Variants in ERCC5 observed in about 807,000 individuals in gnomAD.
ERCC5 encodes the protein ERCC excision repair 5, endonuclease.
In ERCC5, 68 loss-of-function variants were observed where a neutral mutation model predicts 105.6. The ratio of observed to expected loss-of-function variants is 0.64; its 90% CI spans 0.53 to 0.79. ERCC5 has a LOEUF of 0.79. ERCC5 is among the 30% of genes least tolerant of loss of function. The pLI is 0.00. For synonymous variants in ERCC5, 546 were observed against 526.2 expected, an observed-to-expected ratio of 1.04 and a Z score of -0.51; for missense variants, 1,373 against 1,426.7, an observed-to-expected ratio of 0.96 and a Z score of 0.61.
Position 102,861,559 on chromosome 13 carries a change from A to G in ERCC5, c.725A>G (p.Tyr242Cys), listed in dbSNP as rs150473997. 6.2e-6 allele frequency: 10 copies of G among 1,614,076 alleles called. No homozygotes were observed. The African/African-American group carries it at 1.2e-4, about 19-fold the overall frequency. ...YQLKGLLKKN[Y>C]LNQHIEHVQK... ...CTCAAAGGCTTGCTTAAAAAGAACT[A>G]TCTGAACCAGCATATAGAACATGTC... The change falls in exon 7 of 15, where the codon TAT (tyrosine) becomes TGT (cysteine). Residue 242 changes from tyrosine to cysteine, a missense_variant. By Grantham distance (194) the Tyr-to-Cys change is radical. Transcript: ENST00000652225.
chr13:102,853,627 T>G, intron 2 of ERCC5, 130 bp from the exon 3 acceptor site: 1 of 876,484 alleles, frequency 1.1e-6, no homozygotes, highest in East Asian at 2.7e-5. Flanking sequence ...ATATGGCAAT[T>G]AGGAGGAAAT....
In ERCC5 at chr13:102,862,720, C is replaced by T. The variant is rs201684551; in HGVS notation, c.1571C>T (p.Pro524Leu). Residue 524 changes from proline (P) to leucine (L), a missense_variant, in exon 8 of 15, where the codon CCG becomes CTG. By Grantham distance (98) the Pro-to-Leu change is moderately conservative (BLOSUM62 -3). Around this residue, in one of 3 missense-constraint regions of ERCC5, gnomAD observed 1,004 missense variants for 1,059.7 expected, o/e 0.95. Transcript: ENST00000652225. ...PGLPNGRELT[P>L]ASPTCTNSVS... ...CTCCCGAATGGAAGGGAACTGACAC[C>T]GGCATCTCCAACTTGTACAAATTCT... The T allele has an allele frequency of 9.5e-5, 154 of 1,614,148 alleles. No homozygotes were observed. The highest frequency in any genetic ancestry group is 5.2e-4 in the South Asian group (47 of 91,092).
At chr13:102,847,183 T>G (rs1881999610) in intron 1 of ERCC5, among the ~76,000 whole-genome samples, 1 of 152,220 alleles carries the variant, frequency 6.6e-6, no homozygotes, top group Non-Finnish European at 1.5e-5. Flanking sequence ...TTAAGGACTA[T>G]TGTTTCTGTA....
Position 102,875,527 on chromosome 13 carries a change from A to G in ERCC5, c.3185A>G (p.Asn1062Ser), listed in dbSNP as rs754375913. Reference protein sequence around the residue: ...KGKTQKRGITNTLEESSSLKR... With the variant: ...KGKTQKRGITSTLEESSSLKR... ...AAAACCCAGAAGAGAGGCATAACAA[A>G]TACCTTAGAAGAGTCATCAAGCCTG... The change falls in exon 15 of 15, where the codon AAT becomes AGT. Residue 1062 changes from asparagine (N) to serine (S), a missense_variant. Around this residue, in one of 3 missense-constraint regions of ERCC5, gnomAD observed 367 missense variants for 350.2 expected, o/e 1.05. Transcript: ENST00000652225. The G allele has an allele frequency of 1.6e-5, 26 of 1,613,982 alleles. No homozygotes were observed. The Middle Eastern group carries it at 4.9e-4, about 31-fold the overall frequency.
chr13:102,875,869 T>C lies in ERCC5; in HGVS notation c.3527T>C (p.Leu1176Pro). 6.2e-7 allele frequency: 1 copy of C among 1,611,324 alleles called. No individual in the cohort carries two copies. Among genetic ancestry groups the C allele is most frequent in the South Asian group, 1.1e-5 (1 of 91,068 alleles). Residue 1176 changes from leucine to proline, a missense_variant, in exon 15 of 15, where the codon CTA becomes CCA. By Grantham distance (98) the Leu-to-Pro change is moderately conservative. This residue lies in a region of ERCC5 where 367 missense variants were observed against 350.2 expected (regional missense o/e 1.05). Transcript: ENST00000652225. ...RSVFGKKRRK[L>P]RRARGRKRKT is the part of the protein sequence containing the mutation. Reference sequence around the variant, plus strand: ...GTGTTTGGGAAGAAAAGAAGGAAACTAAGACGTGCGAGGGGAAGAAAAAGG... The same window carrying C: ...GTGTTTGGGAAGAAAAGAAGGAAACCAAGACGTGCGAGGGGAAGAAAAAGG...
chr13:102,870,702 T>C (rs1883003041), intron 12 of ERCC5, among the ~76,000 whole-genome samples: 1 of 152,166 alleles, frequency 6.6e-6, no homozygotes, highest in African/African-American at 2.4e-5. Flanking sequence ...CCTTTTTGCA[T>C]TTTGTTGTTA....
intron 13 of ERCC5, 30 bp downstream of exon 13, chr13:102,872,428 A>G: frequency 6.2e-7 from 1 of 1,612,500 alleles, no homozygotes; most frequent in South Asian, 1.1e-5. Flanking sequence ...AGAGAAGGAA[A>G]CACCTTGTCA....
chr13:102,867,873 T>G (rs2140533786), intron 11 of ERCC5, among the ~76,000 whole-genome samples: 1 of 152,318 alleles, frequency 6.6e-6, no homozygotes, highest in Admixed American at 6.5e-5. Flanking sequence ...AGACTCAGGC[T>G]AGATAGCTAA....
chr13:102,853,365 A>T (rs1482944117), intron 2 of ERCC5, among the ~76,000 whole-genome samples: 1 of 152,236 alleles, frequency 6.6e-6, no homozygotes, highest in Admixed American at 6.5e-5. Flanking sequence ...GCAGAATTAC[A>T]TGTAAGTAAT....
At chr13:102,873,728 C>A (rs1178207079) in intron 14 of ERCC5, among the ~76,000 whole-genome samples, 2 of 152,096 alleles carry the variant, frequency 1.3e-5, no homozygotes, top group Non-Finnish European at 1.5e-5. Context: ...TTTTTAAATT[C>A]TATAAACGAA....
intron 1 of ERCC5, among the ~76,000 whole-genome samples, chr13:102,850,671 G>A (rs1252942177): frequency 6.6e-6 from 1 of 152,188 alleles, no homozygotes; most frequent in Non-Finnish European, 1.5e-5. Flanking sequence ...CTGAGATGGG[G>A]GCATGAGCAG....
rs768629350 is a variant in ERCC5, at chr13:102,854,301, C to T, written c.394C>T (p.Pro132Ser). The T allele has an allele frequency of 1.2e-6, 2 of 1,614,030 alleles. No individual in the cohort carries two copies. The highest frequency in any genetic ancestry group is 1.7e-6 in the Non-Finnish European group (2 of 1,180,020). The change falls in exon 4 of 15, where the codon CCC becomes TCC. Residue 132 changes from proline (P) to serine (S), a missense_variant. This residue lies in a region of ERCC5 where 1,004 missense variants were observed against 1,059.7 expected (regional missense o/e 0.95). Transcript: ENST00000652225. ...AFRSKRDEAL[P>S]SLTQVRREND... ...TGTACTTTCCAGAGATGAAGCACTA[C>T]CCAGTCTTACCCAAGTTCGAAGAGA...
Position 102,866,833 on chromosome 13 carries a change from C to G in ERCC5, c.2521C>G (p.His841Asp). The change falls in exon 11 of 15, where the codon CAC (histidine) becomes GAC (aspartate). Residue 841 changes from histidine (H) to aspartate (D), a missense_variant. Physicochemically the swap from His to Asp is moderately conservative, Grantham distance 81. This residue lies in a region of ERCC5 where 1,004 missense variants were observed against 1,059.7 expected (regional missense o/e 0.95). Transcript: ENST00000652225. Reference protein sequence around the residue: ...FVEYYQYVDFHNQLGLDRNKL... With the variant: ...FVEYYQYVDFDNQLGLDRNKL... ...AGAATATTATCAATATGTGGACTTTCACAATCAATTGGGTAAGACTTCAGA... is the reference window on the plus strand; with the variant it reads ...AGAATATTATCAATATGTGGACTTTGACAATCAATTGGGTAAGACTTCAGA... 6.2e-7 allele frequency: 1 copy of G among 1,610,372 alleles called. No homozygotes were observed. Among genetic ancestry groups the G allele is most frequent in the Non-Finnish European group, 8.5e-7 (1 of 1,177,684 alleles).
intron 5 of ERCC5, among the ~76,000 whole-genome samples, chr13:102,856,841 T>A (rs551731032): frequency 6.6e-6 from 1 of 152,226 alleles, no homozygotes; most frequent in Non-Finnish European, 1.5e-5. Context: ...TTTCCCAGCA[T>A]GATGACTGTA....
rs2140543023 is a variant in ERCC5 at position 102,875,375 on chromosome 13, G to C, written c.3033G>C (p.Lys1011Asn). 4.3e-6 allele frequency: 7 copies of C among 1,613,960 alleles called. No homozygotes were observed. The highest frequency in any genetic ancestry group is 5.9e-6 in the Non-Finnish European group (7 of 1,179,994). Residue 1011 changes from lysine to asparagine, a missense_variant, in exon 15 of 15, where the codon AAG (lysine) becomes AAC (asparagine). Physicochemically the swap from Lys to Asn is moderately conservative, Grantham distance 94. Coordinates refer to ENST00000652225, the MANE Select transcript of ERCC5 (RefSeq NM_000123.4). Reference protein sequence around the residue: ...QQEKEDAKRIKSQRLNRAVTC... With the variant: ...QQEKEDAKRINSQRLNRAVTC... ...AGAAAGAAGATGCTAAACGTATTAA[G>C]AGCCAGAGACTAAACAGAGCTGTGA...
At chr13:102,851,923 TA>T (rs1382235184) in intron 1 of ERCC5, among the ~76,000 whole-genome samples, 194 bp from the exon 2 acceptor site, 1 of 152,156 alleles carries the variant, frequency 6.6e-6, no homozygotes, top group Non-Finnish European at 1.5e-5. Flanking sequence ...AGTATGTGAA[TA>T]GGGGTAACAA....
intron 14 of ERCC5, 87 bp from the exon 15 acceptor site, chr13:102,875,220 G>T: frequency 7.0e-7 from 1 of 1,418,484 alleles, no homozygotes; most frequent in South Asian, 1.2e-5. Flanking sequence ...TCCAATGTGA[G>T]TGATCAAGGT....
At chr13:102,857,643 TTCTTA>T (rs1882473954) in intron 5 of ERCC5, among the ~76,000 whole-genome samples, 2 of 152,360 alleles carry the variant, frequency 1.3e-5, no homozygotes, top group South Asian at 4.1e-4. Flanking sequence ...TTAATTTCAT[TTCTTA>T]TGTTATAAGC....
intron 8 of ERCC5, among the ~76,000 whole-genome samples, chr13:102,863,601 G>T (rs1202028993): frequency 2.0e-5 from 3 of 152,048 alleles, no homozygotes; most frequent in Non-Finnish European, 4.4e-5. Context: ...AAAATTGCCT[G>T]ATCACTAAAA....
Sources: allele counts gnomAD v4.1 joint callset (sites outside exome capture counted in the v4.1 genomes callset), GRCh38; gene constraint gnomAD v4.1.1; regional missense constraint gnomAD v4.1.1; transcripts MANE v1.5; gene names NCBI Gene and HGNC (gene_info 2026-07-23, HGNC 2026-07-21).